Variants in CSMD1 observed in about 807,000 individuals in gnomAD.
CSMD1 encodes CUB and sushi domain-containing protein 1.
Under a neutral mutation model 417.5 loss-of-function variants are expected in CSMD1, and 213 were observed. That is an observed-to-expected ratio of 0.51 (90% CI 0.46 to 0.57). The LOEUF (loss-of-function observed/expected upper bound fraction) is 0.57, where lower values mean the gene tolerates loss of function less well. Ranked by LOEUF, CSMD1 falls within the 20% of genes least tolerant of loss-of-function variation. The pLI is 0.00. For missense variants in CSMD1, 6,923 were observed against 4,529.7 expected (o/e 1.53, Z -15.17); for synonymous variants, 2,862 against 1,736.8 (o/e 1.65, Z -16.11).
chr8:4,406,870 G>C (rs150283721), intron 3 of CSMD1, among the ~76,000 whole-genome samples: 7 of 152,178 alleles, frequency 4.6e-5, no homozygotes, highest in South Asian at 2.1e-4. Context: ...AATACAGCTC[G>C]TATTGAGGGC....
At chr8:4,272,103 C>G (rs901631993) in intron 3 of CSMD1, among the ~76,000 whole-genome samples, 2 of 152,082 alleles carry the variant, frequency 1.3e-5, no homozygotes, top group Non-Finnish European at 2.9e-5. Context: ...TACACCCACA[C>G]CTGTCAGGGG....
At chr8:3,899,068 G>A (rs528702276) in intron 5 of CSMD1, among the ~76,000 whole-genome samples, 3 of 152,140 alleles carry the variant, frequency 2.0e-5, no homozygotes, top group Non-Finnish European at 4.4e-5. Flanking sequence ...AATAAAATGA[G>A]GAATAAATAG....
intron 5 of CSMD1, among the ~76,000 whole-genome samples, chr8:3,844,176 C>T (rs1803330603): frequency 1.3e-5 from 2 of 152,202 alleles, no homozygotes; most frequent in Admixed American, 6.5e-5. Context: ...CTTAGAAAGG[C>T]TTATTTTTAT....
chr8:4,734,699 C>G (rs1472031230), intron 1 of CSMD1, among the ~76,000 whole-genome samples: 2 of 152,140 alleles, frequency 1.3e-5, no homozygotes, highest in Non-Finnish European at 2.9e-5. Flanking sequence ...GTGGGCCGTT[C>G]AAGCAAAAGA....
intron 5 of CSMD1, among the ~76,000 whole-genome samples, chr8:3,783,844 T>A (rs771057167): frequency 9.2e-5 from 14 of 152,216 alleles, no homozygotes; most frequent in Non-Finnish European, 1.0e-4. Context: ...TTAATATTGA[T>A]GGATGACTGT....
intron 2 of CSMD1, among the ~76,000 whole-genome samples, chr8:4,592,688 C>A (rs1037973486): frequency 2.0e-5 from 3 of 152,110 alleles, no homozygotes; most frequent in African/African-American, 4.8e-5. Flanking sequence ...TACCCGGCCT[C>A]TTTTCCTTAT....
intron 3 of CSMD1, among the ~76,000 whole-genome samples, chr8:4,343,901 T>C (rs1177276886): frequency 6.6e-6 from 1 of 152,166 alleles, no homozygotes; most frequent in African/African-American, 2.4e-5. Context: ...TTTTAAGGCT[T>C]ATTTACTTTT....
chr8:4,026,900 C>T (rs542183665), intron 4 of CSMD1, among the ~76,000 whole-genome samples: 72 of 151,736 alleles, frequency 4.7e-4, no homozygotes, highest in Middle Eastern at 3.4e-3. Context: ...TGCTGCTGAG[C>T]GAATTCTTTA....
intron 6 of CSMD1, among the ~76,000 whole-genome samples, chr8:3,727,152 G>A (rs1033066798): frequency 6.6e-6 from 1 of 152,124 alleles, no homozygotes; most frequent in South Asian, 2.1e-4. Flanking sequence ...GTTAAAAAGT[G>A]TTTCATTTTA....
intron 46 of CSMD1, among the ~76,000 whole-genome samples, chr8:3,102,977 G>A (rs1563342836): frequency 6.6e-6 from 1 of 152,104 alleles, no homozygotes; most frequent in Non-Finnish European, 1.5e-5. Context: ...GGGTCTAAAG[G>A]AGCTCCCCAA....
intron 3 of CSMD1, among the ~76,000 whole-genome samples, chr8:4,165,935 A>G (rs1471141129): frequency 6.6e-6 from 1 of 152,232 alleles, no homozygotes; most frequent in Non-Finnish European, 1.5e-5. Context: ...ATAAACTATC[A>G]TTACTCTTAC....
chr8:4,653,311 G>A (rs1469969749), intron 1 of CSMD1, among the ~76,000 whole-genome samples: 7 of 152,180 alleles, frequency 4.6e-5, no homozygotes, highest in Non-Finnish European at 7.4e-5. Flanking sequence ...ATCACTAGGC[G>A]CAACCACATT....
At chr8:4,136,678 T>C (rs1232701052) in intron 3 of CSMD1, among the ~76,000 whole-genome samples, 1 of 152,222 alleles carries the variant, frequency 6.6e-6, no homozygotes, top group African/African-American at 2.4e-5. Context: ...CTCACAAGTG[T>C]GCTGTGAGTC....
At chr8:4,354,715 C>T (rs1428124565) in intron 3 of CSMD1, among the ~76,000 whole-genome samples, 1 of 151,996 alleles carries the variant, frequency 6.6e-6, no homozygotes, top group African/African-American at 2.4e-5. Flanking sequence ...TTTTGAAACA[C>T]TTGTATTTAT....
chr8:4,733,184 GA>G (rs1810015213), intron 1 of CSMD1, among the ~76,000 whole-genome samples: 1 of 152,150 alleles, frequency 6.6e-6, no homozygotes, highest in African/African-American at 2.4e-5. Context: ...TGAAAAAAGC[GA>G]AACCATGTTG....
At chr8:3,428,467 G>C (rs915241640) in intron 12 of CSMD1, among the ~76,000 whole-genome samples, 2 of 152,098 alleles carry the variant, frequency 1.3e-5, no homozygotes, top group Non-Finnish European at 2.9e-5. Context: ...TGTTTATACT[G>C]AGCATATTTT....
At chr8:4,821,941 T>A (rs1289874314) in intron 1 of CSMD1, among the ~76,000 whole-genome samples, 1 of 152,094 alleles carries the variant, frequency 6.6e-6, no homozygotes, top group Non-Finnish European at 1.5e-5. Flanking sequence ...TTTTAAATAA[T>A]CTAATCGAAT....
intron 3 of CSMD1, among the ~76,000 whole-genome samples, chr8:4,108,495 C>G (rs779492702): frequency 6.6e-6 from 1 of 152,146 alleles, no homozygotes; most frequent in South Asian, 2.1e-4. Context: ...AGTGATTGCT[C>G]TTATAAATGC....
intron 2 of CSMD1, among the ~76,000 whole-genome samples, chr8:4,629,564 G>A (rs984428371): frequency 1.5e-4 from 23 of 152,028 alleles, no homozygotes; most frequent in Non-Finnish European, 2.4e-4. Flanking sequence ...TTAACTTGTC[G>A]TTTGCCTTTT....
Sources: gnomAD v4.1 joint callset for allele counts (sites outside exome capture counted in the v4.1 genomes callset) on GRCh38, gnomAD v4.1.1 for gene constraint, MANE v1.5 for transcripts, NCBI Gene and HGNC (gene_info 2026-07-23, HGNC 2026-07-21) for gene names.